Variants in TTC39C observed in about 807,000 individuals in gnomAD.
TTC39C encodes the protein tetratricopeptide repeat protein 39C.
A neutral mutation model predicts 76.3 loss-of-function variants in TTC39C; 33 were observed. The ratio of observed to expected loss-of-function variants is 0.43; its 90% CI spans 0.33 to 0.58. TTC39C has a LOEUF of 0.58. Among genes scored for constraint, TTC39C ranks in the 20% least tolerant of loss-of-function variants. TTC39C has a pLI of 0.04. For synonymous variants in TTC39C, 254 were observed against 260.6 expected, an observed-to-expected ratio of 0.97 and a Z score of 0.24; for missense variants, 595 against 701.4, an observed-to-expected ratio of 0.85 and a Z score of 1.71.
chr18:24,129,581 C>T (rs183635902), intron 11 of TTC39C, among the ~76,000 whole-genome samples: 27 of 151,938 alleles, frequency 1.8e-4, no homozygotes, highest in African/African-American at 5.1e-4. Context: ...TGAGACCAGC[C>T]GGGCCAACAT....
chr18:24,024,201 C>T (rs1378351578), intron 1 of TTC39C, among the ~76,000 whole-genome samples: 46 of 148,240 alleles, frequency 3.1e-4, no homozygotes, highest in African/African-American at 1.1e-3. Flanking sequence ...TTAGTAGAGA[C>T]CGGGTTTCGC....
At chr18:24,046,078 A>G (rs939768705) in intron 1 of TTC39C, among the ~76,000 whole-genome samples, 5 of 150,914 alleles carry the variant, frequency 3.3e-5, no homozygotes, top group African/African-American at 9.8e-5. Context: ...AGCTGGGACT[A>G]CAGGCGCCCG....
At chr18:24,005,008 C>A (rs2083341433) in intron 1 of TTC39C, among the ~76,000 whole-genome samples, 1 of 152,166 alleles carries the variant, frequency 6.6e-6, no homozygotes, top group Non-Finnish European at 1.5e-5. Context: ...TTCAAAATGC[C>A]TTCTAACTAA....
chr18:24,032,223 A>T (rs917118446), intron 1 of TTC39C, among the ~76,000 whole-genome samples: 1 of 152,132 alleles, frequency 6.6e-6, no homozygotes, highest in Non-Finnish European at 1.5e-5. Flanking sequence ...AAGAGAATAC[A>T]TTTCTCTTGT....
intron 1 of TTC39C, among the ~76,000 whole-genome samples, chr18:24,033,612 A>G (rs1237959313): frequency 1.3e-5 from 2 of 152,202 alleles, no homozygotes; most frequent in African/African-American, 4.8e-5. Flanking sequence ...TGGTTCTAAT[A>G]TGCACAGATT....
In TTC39C at chr18:24,125,451, C is replaced by T. The variant is rs771214271; in HGVS notation, c.1321C>T (p.Pro441Ser). 1.3e-5 allele frequency: 21 copies of T among 1,614,102 alleles called. No individual in the cohort carries two copies. Among genetic ancestry groups the T allele is most frequent in the Non-Finnish European group, 1.7e-5 (20 of 1,180,014 alleles). The change falls in exon 10 of 14, where the codon CCA (proline) becomes TCA (serine). Residue 441 changes from proline (P) to serine (S), a missense_variant. Transcript: ENST00000317571. ...GGCAGAGCGATTTCGGAAGCAAACC[C>T]CAACCAAAGCGCTCTGTGTGTTGGC... ...KKAERFRKQT[P>S]TKALCVLASI...
upstream of TTC39C, among the ~76,000 whole-genome samples, chr18:24,011,465 G>C (rs569884230): frequency 2.4e-4 from 36 of 152,298 alleles, no homozygotes; most frequent in East Asian, 3.9e-3. Context: ...TCTGAGAATA[G>C]AGCCAATAAA....
intron 6 of TTC39C, among the ~76,000 whole-genome samples, chr18:24,101,397 A>G (rs1184037344): frequency 1.3e-5 from 2 of 151,890 alleles, no homozygotes; most frequent in African/African-American, 2.4e-5. Context: ...TCACCAGGTC[A>G]AGAGATCGAG....
At chr18:24,062,391 C>T (rs1034460706) in intron 1 of TTC39C, among the ~76,000 whole-genome samples, 1 of 152,120 alleles carries the variant, frequency 6.6e-6, no homozygotes, top group Non-Finnish European at 1.5e-5. Context: ...TTCACTGACT[C>T]GGATTTGTGA....
intron 6 of TTC39C, among the ~76,000 whole-genome samples, chr18:24,103,684 G>C (rs2084707410): frequency 6.6e-6 from 1 of 152,010 alleles, no homozygotes; most frequent in Admixed American, 6.6e-5. Context: ...AATTTCAGAG[G>C]CCACTTCTTT....
chr18:24,037,787 T>A (rs1048824163), intron 1 of TTC39C, among the ~76,000 whole-genome samples: 1 of 152,306 alleles, frequency 6.6e-6, no homozygotes, highest in Non-Finnish European at 1.5e-5. Flanking sequence ...GTGGCAGGGT[T>A]GCTGTTGTGA....
chr18:24,032,101 A>AAG (rs1337127928), intron 1 of TTC39C, among the ~76,000 whole-genome samples: 1 of 152,232 alleles, frequency 6.6e-6, no homozygotes, highest in Non-Finnish European at 1.5e-5. Flanking sequence ...CAGAGGATGG[A>AAG]AGAGGCATGG....
At chr18:24,124,169 G>T (rs2145824072) in intron 9 of TTC39C, 1 of 357,940 alleles carries the variant, frequency 2.8e-6, no homozygotes, top group Non-Finnish European at 5.0e-6. Flanking sequence ...AAAAATCGAT[G>T]AGTCCTGCAG....
At chr18:24,051,648 T>G (rs552197117) in intron 1 of TTC39C, among the ~76,000 whole-genome samples, 11 of 152,354 alleles carry the variant, frequency 7.2e-5, no homozygotes, top group African/African-American at 2.6e-4. Flanking sequence ...AAAAGGTCCC[T>G]AAAGGTCATG....
At chr18:24,059,593 A>G (rs2084064608) in intron 1 of TTC39C, among the ~76,000 whole-genome samples, 1 of 152,022 alleles carries the variant, frequency 6.6e-6, no homozygotes, top group South Asian at 2.1e-4. Context: ...CATATACCAC[A>G]TTTTCTTTAT....
intron 1 of TTC39C, among the ~76,000 whole-genome samples, chr18:24,044,028 G>C (rs2083830716): frequency 6.7e-6 from 1 of 149,168 alleles, no homozygotes; most frequent in East Asian, 2.0e-4. Flanking sequence ...AATGGCAGTT[G>C]GCTGAAAGAG....
At chr18:24,044,013 T>C (rs1372238643) in intron 1 of TTC39C, among the ~76,000 whole-genome samples, 1 of 151,962 alleles carries the variant, frequency 6.6e-6, no homozygotes, top group Admixed American at 6.6e-5. Context: ...AAACTTCTCT[T>C]CTATAATGGC....
intron 1 of TTC39C, chr18:24,006,410 T>C (rs557212422): frequency 3.3e-5 from 5 of 152,326 alleles, no homozygotes; most frequent in Admixed American, 2.0e-4. Flanking sequence ...TATTTTCATC[T>C]TTCTAATTTA....
chr18:24,118,309 G>A (rs1017073222), intron 8 of TTC39C, 77 bp downstream of exon 8: 88 of 1,173,896 alleles, frequency 7.5e-5, no homozygotes, highest in Admixed American at 3.6e-4. Flanking sequence ...ATGGGAGAAT[G>A]ATGGCAAGAG....
Sources: allele counts gnomAD v4.1 joint callset (sites outside exome capture counted in the v4.1 genomes callset), GRCh38; gene constraint gnomAD v4.1.1; transcripts MANE v1.5; gene names NCBI Gene and HGNC (gene_info 2026-07-23, HGNC 2026-07-21).